Variants in ZNF597 observed in about 807,000 individuals in gnomAD.
The protein encoded by ZNF597 is zinc finger protein 597.
Under a neutral mutation model 7.3 loss-of-function variants are expected in ZNF597, and 5 were observed. The ratio of observed to expected loss-of-function variants is 0.68; its 90% CI spans 0.36 to 1.44. ZNF597 has a LOEUF of 1.44. ZNF597 is among the 40% of genes most tolerant of loss of function. The probability of loss-of-function intolerance (pLI) is 0.04; values close to 1 mark genes in which losing one functional copy is unlikely to be tolerated. For missense variants in ZNF597, 585 were observed against 517.9 expected (o/e 1.13, Z -1.26); for synonymous variants, 209 against 185.4 (o/e 1.13, Z -1.04).
intron 3 of ZNF597, among the ~76,000 whole-genome samples, chr16:3,438,770 T>G (rs1264427934): frequency 1.3e-5 from 2 of 152,170 alleles, no homozygotes; most frequent in African/African-American, 4.8e-5. Flanking sequence ...GCCAATCTAC[T>G]TACAAGAATG....
At position 3,436,236 on chromosome 16, in the gene ZNF597, C is replaced by T. The variant is rs37824; in HGVS notation, c.*188G>A. ...GGGTTCATTCACTAGTTTAGTGACA[C>T]GGATTTTGCATCCCTACTTATAAAA... On this transcript the variant is annotated 3_prime_UTR_variant, in exon 4 of 4. Transcript: ENST00000301744. 0.24 allele frequency: 147,344 copies of T among 621,426 alleles called. 17,957 individuals carry two copies. Among genetic ancestry groups the T allele is most frequent in the African/African-American group, 0.32 (17,262 of 54,302 alleles). 38.5% of individuals were successfully genotyped at this position (621,426 alleles called of 1,614,324 possible).
At chr16:3,439,570 C>G (rs756300661) in intron 3 of ZNF597, among the ~76,000 whole-genome samples, 2 of 151,696 alleles carry the variant, frequency 1.3e-5, no homozygotes, top group Non-Finnish European at 2.9e-5. Context: ...ACTGCCTTAG[C>G]AGTAACTCAA....
intron 3 of ZNF597, among the ~76,000 whole-genome samples, chr16:3,439,419 A>G (rs1190982712): frequency 6.6e-6 from 1 of 152,076 alleles, no homozygotes; most frequent in Non-Finnish European, 1.5e-5. Flanking sequence ...GCTGAGTAGT[A>G]ATCTACAAGT....
At position 3,435,524 on chromosome 16, in the gene ZNF597, C is replaced by T. The variant is rs1051473257; in HGVS notation, c.*900G>A. ...TGTGCTGGGCAAAGAACTGACTTTA[C>T]CCTCTGAGGACTTCAGTTTCCTCGT... On this transcript the variant is annotated 3_prime_UTR_variant, in exon 4 of 4. Coordinates refer to ENST00000301744, the MANE Select transcript of ZNF597 (RefSeq NM_152457.3). 6.6e-6 allele frequency: 1 copy of T among 151,804 alleles called. No homozygotes were observed. Among genetic ancestry groups the T allele is most frequent in the African/African-American group, 2.4e-5 (1 of 41,364 alleles). 9.4% of individuals were successfully genotyped at this position (151,804 alleles called of 1,614,324 possible). A position where few individuals can be genotyped will look rare whatever the true frequency, so the allele number is the denominator to read the frequency against.
Position 3,443,214 on chromosome 16 carries a change from G to A in ZNF597, c.-53-8C>T. The A allele has an allele frequency of 1.3e-6, 2 of 1,556,648 alleles. No individual in the cohort carries two copies. The highest frequency in any genetic ancestry group is 1.2e-5 in the South Asian group (1 of 85,422). On this transcript the variant is annotated splice_polypyrimidine_tract_variant and splice_region_variant and intron_variant, in intron 1 of 3. Coordinates refer to ENST00000301744, the MANE Select transcript of ZNF597 (RefSeq NM_152457.3). Reference sequence around the variant, plus strand: ...AGGGACTTCGTGACAAAGCTGCGGGGGGAGAGAACAGTTCTTAAAGGGACC... The same window carrying A: ...AGGGACTTCGTGACAAAGCTGCGGGAGGAGAGAACAGTTCTTAAAGGGACC...
chr16:3,443,263 C>T (rs1167190891), intron 1 of ZNF597, 57 bp from the exon 2 acceptor site: 1 of 1,121,078 alleles, frequency 8.9e-7, no homozygotes, highest in East Asian at 2.5e-5. Context: ...AGTTCCTCCA[C>T]TACCCCTAGC....
chr16:3,439,720 G>A (rs75797147), intron 3 of ZNF597, among the ~76,000 whole-genome samples: 2,696 of 150,988 alleles, frequency 0.018, 75 homozygotes, highest in African/African-American at 0.058. Context: ...AAAATACAAC[G>A]AAATCCCGGG....
In ZNF597 at chr16:3,436,763, G is replaced by C; in HGVS notation, c.936C>G (p.Ala312=). ...MKSFRQSLYP[A]LSEKSHDEDS... ...CCTCGTCGTGGCTCTTCTCGGAAAG[G>C]GCAGGATATAAGGACTGCCTGAAGC... The change falls in exon 4 of 4, where the codon GCC becomes GCG. Residue 312 remains alanine (A), a synonymous_variant. Transcript: ENST00000301744. The C allele has an allele frequency of 6.2e-7, 1 of 1,613,696 alleles. No homozygotes were observed. The highest frequency in any genetic ancestry group is 8.5e-7 in the Non-Finnish European group (1 of 1,180,030).
At position 3,436,906 on chromosome 16, in the gene ZNF597, C is replaced by T. The variant is rs143250831; in HGVS notation, c.793G>A (p.Glu265Lys). ...LAQHQKSHSA[E>K]NTYESTNCDK... is the part of the protein sequence containing the mutation. ...CAGTTAGTAGATTCGTAGGTGTTTTCAGCACTGTGGCTTTTCTGATGCTGT... is the reference window on the plus strand; with the variant it reads ...CAGTTAGTAGATTCGTAGGTGTTTTTAGCACTGTGGCTTTTCTGATGCTGT... The change falls in exon 4 of 4, where the codon GAA (glutamate) becomes AAA (lysine). Residue 265 changes from glutamate (E) to lysine (K), a missense_variant. Physicochemically the swap from Glu to Lys is moderately conservative, Grantham distance 56. Coordinates refer to ENST00000301744, the MANE Select transcript of ZNF597 (RefSeq NM_152457.3). 2.5e-6 allele frequency: 4 copies of T among 1,614,078 alleles called. No individual in the cohort carries two copies. The African/African-American group carries it at 4.0e-5, about 16-fold the overall frequency.
At chr16:3,443,280 C>T in intron 1 of ZNF597, 74 bp from the exon 2 acceptor site, 3 of 927,424 alleles carry the variant, frequency 3.2e-6, no homozygotes, top group Non-Finnish European at 4.8e-6. Flanking sequence ...TAGCCTCCCT[C>T]GATTCCCTCC....
chr16:3,443,288 T>G (rs34496784), intron 1 of ZNF597, 72 bp downstream of exon 1: 3 of 860,678 alleles, frequency 3.5e-6, no homozygotes, highest in Non-Finnish European at 3.5e-6. Context: ...CTCGATTCCC[T>G]CCGAACCCCC....
intron 3 of ZNF597, 104 bp downstream of exon 3, chr16:3,440,703 T>G: frequency 1.4e-6 from 2 of 1,417,762 alleles, no homozygotes; most frequent in Non-Finnish European, 1.9e-6. Context: ...CATAAATTAC[T>G]GAGGGACAGG....
In ZNF597 at chr16:3,433,351, AATC is replaced by A. The variant is rs1443646955; in HGVS notation, c.*3070_*3072del. 6.6e-6 allele frequency: 1 copy of A among 152,262 alleles called. No homozygotes were observed. Among genetic ancestry groups the A allele is most frequent in the Non-Finnish European group, 1.5e-5 (1 of 68,052 alleles). The allele number at this position is 152,262 out of a possible 1,614,324, so 9.4% of individuals were successfully genotyped here. ...TAAAAGACTGTTTAACTATTCCAGC[AATC>A]ATGTTAAGGAACTGTTGGATATACA... On this transcript the variant is annotated 3_prime_UTR_variant, in exon 4 of 4. Coordinates refer to ENST00000301744, the MANE Select transcript of ZNF597 (RefSeq NM_152457.3).
Position 3,436,644 on chromosome 16 carries a change from CAAGGA to C in ZNF597, c.1050_1054del (p.Phe350LeufsTer4), listed in dbSNP as rs1333663211. ...CTGATGGGAAATAAGCTCAGAGAAA[CAAGGA>C]AAGGTCATGTCACAGTCAGGACACT... On this transcript the variant is annotated frameshift_variant, in exon 4 of 4. Transcript: ENST00000301744. LOFTEE classifies it low-confidence loss of function (END_TRUNC). 3.7e-6 allele frequency: 6 copies of C among 1,609,260 alleles called. No individual in the cohort carries two copies. Among genetic ancestry groups the C allele is most frequent in the Non-Finnish European group, 5.1e-6 (6 of 1,177,384 alleles).
chr16:3,438,856 G>A (rs566745740), intron 3 of ZNF597, among the ~76,000 whole-genome samples: 1 of 152,146 alleles, frequency 6.6e-6, no homozygotes, highest in Admixed American at 6.5e-5. Context: ...CAATACAAAA[G>A]GAACTTTTCT....
Position 3,437,126 on chromosome 16 carries a change from C to G in ZNF597, c.573G>C (p.Lys191Asn). Residue 191 changes from lysine to asparagine, a missense_variant, in exon 4 of 4, where the codon AAG becomes AAC. By Grantham distance (94) the Lys-to-Asn change is moderately conservative. Coordinates refer to ENST00000301744, the MANE Select transcript of ZNF597 (RefSeq NM_152457.3). Reference sequence around the variant, plus strand: ...TCAGGTTGGCTCTATGATTGAAGATCTTTCCACAGTCACCACATTTATGTT... The same window carrying G: ...TCAGGTTGGCTCTATGATTGAAGATGTTTCCACAGTCACCACATTTATGTT... ...EKKHKCGDCGKIFNHRANLRT... is the reference protein window; with the variant it reads ...EKKHKCGDCGNIFNHRANLRT... 1 of 1,614,158 alleles carries G rather than the reference C, an allele frequency of 6.2e-7. No individual in the cohort carries two copies. The highest frequency in any genetic ancestry group is 1.3e-5 in the African/African-American group (1 of 75,034).
rs369305992 is a variant in ZNF597 at position 3,442,913 on chromosome 16, C to T, written c.33+208G>A. 5.3e-4 allele frequency among the ~76,000 whole-genome samples: 80 copies of T among 152,248 alleles called. 2 individuals carry two copies. The South Asian group carries it at 0.016, about 31-fold the overall frequency. The stretch of plus-strand genomic sequence containing the variant: ...TCTCTCAGAGATTCCTCCACAGGTC[C>T]CTGCTCCCAGTTGGTAGTTCTGAAA... On this transcript the variant is annotated intron_variant, in intron 2 of 3. Coordinates refer to ENST00000301744, the MANE Select transcript of ZNF597 (RefSeq NM_152457.3).
rs772153084 is a variant in ZNF597 at position 3,437,674 on chromosome 16, A to T, written c.161-136T>A. The T allele has an allele frequency of 3.5e-5, 48 of 1,372,992 alleles. No homozygotes were observed. In the Admixed American group the frequency reaches 8.8e-4, roughly 25 times the overall value. The allele number at this position is 1,372,992 out of a possible 1,614,324, so 85.1% of individuals were successfully genotyped here. On this transcript the variant is annotated intron_variant, in intron 3 of 3. Coordinates refer to ENST00000301744, the MANE Select transcript of ZNF597 (RefSeq NM_152457.3). ...ATTCTATAACCCAGACACTAACCACACAAAATCAGGACCAAGCAGACTCTC... is the reference window on the plus strand; with the variant it reads ...ATTCTATAACCCAGACACTAACCACTCAAAATCAGGACCAAGCAGACTCTC...
intron 3 of ZNF597, among the ~76,000 whole-genome samples, chr16:3,439,059 C>G (rs1358726710): frequency 6.6e-6 from 1 of 152,080 alleles, no homozygotes; most frequent in Non-Finnish European, 1.5e-5. Flanking sequence ...AAAGAGAGCT[C>G]AGGTCATCTA....
Sources: allele counts gnomAD v4.1 joint callset (sites outside exome capture counted in the v4.1 genomes callset), GRCh38; gene constraint gnomAD v4.1.1; transcripts MANE v1.5; gene names NCBI Gene and HGNC (gene_info 2026-07-23, HGNC 2026-07-21).